Variants in DENND2B observed in about 807,000 individuals in gnomAD.
DENND2B encodes the protein DENN domain containing 2B.
In DENND2B, 32 loss-of-function variants were observed where a neutral mutation model predicts 116.0. The ratio of observed to expected loss-of-function variants is 0.28; its 90% CI spans 0.21 to 0.37. The LOEUF (loss-of-function observed/expected upper bound fraction) is 0.37, where lower values mean the gene tolerates loss of function less well. DENND2B is among the 10% of genes least tolerant of loss of function. The probability of loss-of-function intolerance (pLI) is 1.00; values close to 1 mark genes in which losing one functional copy is unlikely to be tolerated. For synonymous variants in DENND2B, 588 were observed against 583.9 expected, an observed-to-expected ratio of 1.01 and a Z score of -0.10; for missense variants, 1,276 against 1,477.7, an observed-to-expected ratio of 0.86 and a Z score of 2.24.
intron 1 of DENND2B, among the ~76,000 whole-genome samples, chr11:8,803,809 C>A (rs1465360596): frequency 6.6e-6 from 1 of 152,190 alleles, no homozygotes; most frequent in Non-Finnish European, 1.5e-5. Context: ...AGACTATGGA[C>A]CCTCAGAGCT....
chr11:8,724,743 G>A (rs780256443), intron 4 of DENND2B, among the ~76,000 whole-genome samples: 3 of 152,172 alleles, frequency 2.0e-5, no homozygotes, highest in Admixed American at 2.0e-4. Flanking sequence ...ATTTTAAAGG[G>A]TATTTATACA....
At chr11:8,903,889 C>CAAAAAAAA (rs61317026) in intron 1 of DENND2B, among the ~76,000 whole-genome samples, 14 of 75,366 alleles carry the variant, frequency 1.9e-4, no homozygotes, top group East Asian at 1.7e-3. Context: ...GACCTTGTCT[C>CAAAAAAAA]AAAAAAAAAA....
intron 4 of DENND2B, among the ~76,000 whole-genome samples, chr11:8,725,012 C>T (rs1429363772): frequency 6.6e-6 from 1 of 152,234 alleles, no homozygotes; most frequent in Non-Finnish European, 1.5e-5. Flanking sequence ...CGTGTGAACA[C>T]GAAGCTCATG....
upstream of DENND2B, among the ~76,000 whole-genome samples, chr11:8,812,346 T>G (rs973549898): frequency 6.6e-6 from 1 of 152,180 alleles, no homozygotes; most frequent in African/African-American, 2.4e-5. Context: ...AACGTCCTGA[T>G]GCACAGCTCG....
At chr11:8,749,718 A>T (rs530061474) in intron 2 of DENND2B, among the ~76,000 whole-genome samples, 1 of 152,374 alleles carries the variant, frequency 6.6e-6, no homozygotes, top group East Asian at 1.9e-4. Flanking sequence ...GCCCTATCCA[A>T]ACCAAAGCTA....
intron 1 of DENND2B, among the ~76,000 whole-genome samples, chr11:8,905,423 A>G (rs1239410261): frequency 1.3e-5 from 2 of 152,208 alleles, no homozygotes; most frequent in African/African-American, 4.8e-5. Flanking sequence ...TGTAAAAACT[A>G]AAATATACAA....
intron 2 of DENND2B, among the ~76,000 whole-genome samples, chr11:8,738,606 C>CCTG (rs1483001308): frequency 6.6e-6 from 1 of 152,176 alleles, no homozygotes; most frequent in Non-Finnish European, 1.5e-5. Context: ...CCTCCCCATC[C>CCTG]CTGCTGCTAC....
intron 4 of DENND2B, among the ~76,000 whole-genome samples, chr11:8,828,301 G>A (rs770832936): frequency 1.3e-5 from 2 of 152,110 alleles, no homozygotes; most frequent in African/African-American, 2.4e-5. Context: ...ACAGAGCAGT[G>A]CACCTTCAAC....
At chr11:8,871,691 A>AC (rs536951819), upstream of DENND2B, among the ~76,000 whole-genome samples, 14 of 152,336 alleles carry the variant, frequency 9.2e-5, no homozygotes, top group South Asian at 2.9e-3. Context: ...CCTGGTCTCA[A>AC]CCGAAAGCTC....
At chr11:8,791,621 G>T (rs1263518120) in intron 1 of DENND2B, among the ~76,000 whole-genome samples, 2 of 151,866 alleles carry the variant, frequency 1.3e-5, no homozygotes, top group Non-Finnish European at 2.9e-5. Context: ...CAAAAAATTA[G>T]CCGGGTATGG....
chr11:8,799,022 A>G (rs2060076645), intron 1 of DENND2B, among the ~76,000 whole-genome samples: 1 of 152,082 alleles, frequency 6.6e-6, no homozygotes, highest in African/African-American at 2.4e-5. Flanking sequence ...AGGTTTCACC[A>G]TGTTGGCCAG....
intron 1 of DENND2B, among the ~76,000 whole-genome samples, chr11:8,883,825 C>T (rs1461434434): frequency 6.6e-6 from 1 of 152,164 alleles, no homozygotes; most frequent in African/African-American, 2.4e-5. Context: ...CAATTAGATA[C>T]CATCGTCTTC....
intron 3 of DENND2B, among the ~76,000 whole-genome samples, chr11:8,841,998 C>T (rs902476367): frequency 2.6e-5 from 4 of 152,178 alleles, no homozygotes; most frequent in Admixed American, 2.0e-4. Context: ...GGCGGCATCA[C>T]AAAGTAGTAG....
intron 2 of DENND2B, among the ~76,000 whole-genome samples, chr11:8,745,345 G>A (rs543393238): frequency 3.3e-5 from 5 of 152,256 alleles, no homozygotes; most frequent in East Asian, 1.9e-4. Context: ...ATGAGCCACC[G>A]CACCCGGCCC....
At chr11:8,735,608 A>G (rs1459771528) in intron 2 of DENND2B, among the ~76,000 whole-genome samples, 2 of 152,208 alleles carry the variant, frequency 1.3e-5, no homozygotes, top group African/African-American at 4.8e-5. Flanking sequence ...AGGCCAGCTT[A>G]GCTTCCATGA....
chr11:8,785,982 C>T (rs551836454), intron 1 of DENND2B, among the ~76,000 whole-genome samples: 8 of 152,328 alleles, frequency 5.3e-5, no homozygotes, highest in South Asian at 2.1e-4. Flanking sequence ...GTTGGAAATA[C>T]AGAATATAGA....
chr11:8,710,327 TCA>T (rs2043373134), intron 11 of DENND2B, among the ~76,000 whole-genome samples: 1 of 152,076 alleles, frequency 6.6e-6, no homozygotes, highest in Non-Finnish European at 1.5e-5. Context: ...GGTATCTCTC[TCA>T]GATTCCCAGA....
At chr11:8,802,722 G>C (rs2060466147) in intron 1 of DENND2B, among the ~76,000 whole-genome samples, 1 of 152,166 alleles carries the variant, frequency 6.6e-6, no homozygotes, top group African/African-American at 2.4e-5. Context: ...AGGAAACAGT[G>C]ATGGAAATAT....
intron 4 of DENND2B, among the ~76,000 whole-genome samples, chr11:8,837,615 G>C (rs567415857): frequency 2.0e-5 from 3 of 152,220 alleles, no homozygotes; most frequent in East Asian, 3.9e-4. Flanking sequence ...GAAAGTGCTG[G>C]GATTACAGGC....
Sources: allele counts gnomAD v4.1 joint callset (sites outside exome capture counted in the v4.1 genomes callset), GRCh38; gene constraint gnomAD v4.1.1; transcripts MANE v1.5; gene names NCBI Gene and HGNC (gene_info 2026-07-23, HGNC 2026-07-21).